FSHR: variants seen among roughly 807,000 people sequenced by gnomAD.
FSHR encodes the protein follicle stimulating hormone receptor.
Under a neutral mutation model 52.1 loss-of-function variants are expected in FSHR, and 46 were observed. That is an observed-to-expected ratio of 0.88 (90% CI 0.70 to 1.13). The LOEUF (loss-of-function observed/expected upper bound fraction) is 1.13, where lower values mean the gene tolerates loss of function less well. FSHR is among the 50% of genes most tolerant of loss of function. The probability of loss-of-function intolerance (pLI) is 0.00; values close to 1 mark genes in which losing one functional copy is unlikely to be tolerated. For synonymous variants in FSHR, 399 were observed against 309.6 expected (o/e 1.29, Z -3.03); for missense variants, 964 against 834.6 (o/e 1.16, Z -1.91).
In FSHR at chr2:48,962,552, T is replaced by C. The variant is rs1326104483; in HGVS notation, c.*181A>G. ...CTTTAATTATTATTGTTGTTACTAA[T>C]AATTCAGCTTCCTAATGTATCACAT... On this transcript the variant is annotated 3_prime_UTR_variant, in exon 10 of 10. Transcript: ENST00000406846. The C allele has an allele frequency of 6.7e-5, 42 of 625,702 alleles. No homozygotes were observed. In the East Asian group the frequency reaches 1.2e-3, roughly 17 times the overall value. 38.8% of individuals were successfully genotyped at this position (625,702 alleles called of 1,614,324 possible). A position where few individuals can be genotyped will look rare whatever the true frequency, so the allele number is the denominator to read the frequency against.
chr2:48,973,252 C>CCA (rs532156869), intron 8 of FSHR, among the ~76,000 whole-genome samples: 1,652 of 135,896 alleles, frequency 0.012, 29 homozygotes, highest in African/African-American at 0.045. Context: ...AGAGAAGACA[C>CCA]CACACACACA....
intron 3 of FSHR, 109 bp from the exon 4 acceptor site, chr2:49,017,672 A>G (rs1667537332): frequency 2.5e-6 from 2 of 792,532 alleles, no homozygotes; most frequent in African/African-American, 1.7e-5. Flanking sequence ...CCACTCATCC[A>G]CCCATCTATT....
At chr2:49,100,589 C>A (rs1423238503) in intron 1 of FSHR, among the ~76,000 whole-genome samples, 1 of 152,172 alleles carries the variant, frequency 6.6e-6, no homozygotes, top group Non-Finnish European at 1.5e-5. Context: ...TGCATGCATG[C>A]AGCACCCATC....
In FSHR at chr2:49,092,812, C is replaced by T. The variant is rs182054116; in HGVS notation, c.153-24522G>A. Among the ~76,000 whole-genome samples, 580 of 152,078 alleles carry T rather than the reference C, an allele frequency of 3.8e-3. 7 individuals are homozygous for T. The highest frequency in any genetic ancestry group is 0.013 in the African/African-American group (534 of 41,486). On this transcript the variant is annotated intron_variant, in intron 1 of 9. Coordinates refer to ENST00000406846, the MANE Select transcript of FSHR (RefSeq NM_000145.4). ...TCCCAAATAGCTGGGATTACAGATG[C>T]GCACCACCATGCGCAGCTATTTTTT...
rs534967054 is a variant in FSHR at position 49,118,651 on chromosome 2, C to G, written c.152+35615G>C. On this transcript the variant is annotated intron_variant, in intron 1 of 9. Coordinates refer to ENST00000406846, the MANE Select transcript of FSHR (RefSeq NM_000145.4). ...TGTGGGTCACATTGGCCAAGAACAA[C>G]TAGACCCAATGTGATACTAGATTTG... Among the ~76,000 whole-genome samples, 5 of 152,294 alleles carry G rather than the reference C, an allele frequency of 3.3e-5. No homozygotes were observed. The East Asian group carries it at 9.7e-4, about 29-fold the overall frequency.
At position 48,963,087 on chromosome 2, in the gene FSHR, G is replaced by A; in HGVS notation, c.1734C>T (p.Ile578=). 1 of 1,614,108 alleles carries A rather than the reference G, an allele frequency of 6.2e-7. No homozygotes were observed. Among genetic ancestry groups the A allele is most frequent in the Non-Finnish European group, 8.5e-7 (1 of 1,180,006 alleles). The change falls in exon 10 of 10, where the codon ATC becomes ATT. Residue 578 remains isoleucine, a synonymous_variant. Transcript: ENST00000406846. The part of the protein sequence containing the change: ...TRIAKRMAML[I]FTDFLCMAPI... ...GTGCCATGCAGAGGAAGTCAGTGAA[G>A]ATGAGCATGGCCATGCGCTTGGCGA... is the stretch of plus-strand genomic sequence containing the variant.
At chr2:49,116,083 A>AT (rs954547193) in intron 1 of FSHR, among the ~76,000 whole-genome samples, 42 of 152,036 alleles carry the variant, frequency 2.8e-4, no homozygotes, top group Admixed American at 2.1e-3. Context: ...AGATCTTGGC[A>AT]TTTTTTTTAG....
intron 1 of FSHR, among the ~76,000 whole-genome samples, chr2:49,114,799 G>C (rs1238819491): frequency 6.6e-6 from 1 of 151,974 alleles, no homozygotes; most frequent in Non-Finnish European, 1.5e-5. Context: ...GAAATTGTTG[G>C]GGGAGGGGAC....
intron 1 of FSHR, among the ~76,000 whole-genome samples, chr2:49,116,353 C>G (rs1364844385): frequency 6.6e-6 from 1 of 152,150 alleles, no homozygotes; most frequent in Non-Finnish European, 1.5e-5. Flanking sequence ...TTTGAAGGCT[C>G]TGACACTTGC....
At chr2:49,031,019 C>T (rs149623345) in intron 2 of FSHR, among the ~76,000 whole-genome samples, 2,422 of 152,300 alleles carry the variant, frequency 0.016, 32 homozygotes, top group Non-Finnish European at 0.021. Context: ...ATGAGTCTTT[C>T]ATGTTAGTGA....
At chr2:48,970,934 T>G (rs962522729) in intron 8 of FSHR, among the ~76,000 whole-genome samples, 1 of 152,114 alleles carries the variant, frequency 6.6e-6, no homozygotes, top group Non-Finnish European at 1.5e-5. Context: ...CCTACTTCCC[T>G]CCTCTCCTGT....
intron 1 of FSHR, among the ~76,000 whole-genome samples, chr2:49,100,985 G>A (rs1240588854): frequency 6.6e-6 from 1 of 152,082 alleles, no homozygotes; most frequent in Non-Finnish European, 1.5e-5. Flanking sequence ...AAAGCCTAGT[G>A]ATAAAAATGG....
chr2:49,024,270 G>C (rs1481037536), intron 2 of FSHR, among the ~76,000 whole-genome samples: 1 of 151,304 alleles, frequency 6.6e-6, no homozygotes, highest in Non-Finnish European at 1.5e-5. Context: ...AGAATTTAAA[G>C]TAAAATTAAA....
At chr2:49,092,646 ATTTC>A (rs1443238039) in intron 1 of FSHR, among the ~76,000 whole-genome samples, 5 of 151,712 alleles carry the variant, frequency 3.3e-5, no homozygotes, top group Admixed American at 6.6e-5. Flanking sequence ...TTGCTTTTGA[ATTTC>A]TTTATTTTAT....
intron 4 of FSHR, among the ~76,000 whole-genome samples, chr2:49,012,896 C>G (rs773019053): frequency 6.6e-6 from 1 of 152,064 alleles, no homozygotes; most frequent in Non-Finnish European, 1.5e-5. Flanking sequence ...TGTGTCCTCT[C>G]AAAACTCAAT....
At chr2:49,001,367 C>T (rs1019459561) in intron 4 of FSHR, among the ~76,000 whole-genome samples, 2 of 152,104 alleles carry the variant, frequency 1.3e-5, no homozygotes, top group Non-Finnish European at 2.9e-5. Flanking sequence ...CACTCTGGCT[C>T]CCCTGCCTCT....
chr2:49,056,639 T>G (rs1669077015), intron 2 of FSHR, among the ~76,000 whole-genome samples: 2 of 151,906 alleles, frequency 1.3e-5, no homozygotes, highest in South Asian at 4.1e-4. Context: ...AAACATTGGA[T>G]TTAAACTGCA....
At chr2:49,020,522 T>C (rs77313451) in intron 2 of FSHR, among the ~76,000 whole-genome samples, 12,576 of 146,746 alleles carry the variant, frequency 0.086, 679 homozygotes, top group Non-Finnish European at 0.13. Context: ...TTTTTTTTTT[T>C]TACAGGGCTA....
intron 6 of FSHR, among the ~76,000 whole-genome samples, chr2:48,983,820 G>T (rs1231618514): frequency 1.3e-5 from 2 of 152,146 alleles, no homozygotes. Context: ...ATGAGCAGGG[G>T]AGGAGGTTCT....
Sources: gnomAD v4.1 joint callset for allele counts (sites outside exome capture counted in the v4.1 genomes callset) on GRCh38, gnomAD v4.1.1 for gene constraint, MANE v1.5 for transcripts, NCBI Gene and HGNC (gene_info 2026-07-23, HGNC 2026-07-21) for gene names.